The following LRIG1 variants were observed in gnomAD, a reference collection of about 807,000 sequenced individuals.
LRIG1 encodes the protein leucine-rich repeats and immunoglobulin-like domains protein 1.
Under a neutral mutation model 99.2 loss-of-function variants are expected in LRIG1, and 48 were observed. The ratio of observed to expected loss-of-function variants is 0.48; its 90% CI spans 0.38 to 0.62. The LOEUF (loss-of-function observed/expected upper bound fraction) is 0.62. Ranked by LOEUF, LRIG1 falls within the 20% of genes least tolerant of loss-of-function variation. The pLI is 0.00. For missense variants in LRIG1, 1,646 were observed against 1,434.4 expected, an observed-to-expected ratio of 1.15 and a Z score of -2.38; for synonymous variants, 772 against 596.1, an observed-to-expected ratio of 1.29 and a Z score of -4.30.
intron 12 of LRIG1, among the ~76,000 whole-genome samples, chr3:66,388,413 CAAG>C (rs1202576460): frequency 6.6e-6 from 1 of 151,522 alleles, no homozygotes; most frequent in East Asian, 1.9e-4. Flanking sequence ...CATGGGAGTC[CAAG>C]AAGGAGAAGA....
In LRIG1 at chr3:66,381,461, A is replaced by C; in HGVS notation, c.2770+18T>G. On this transcript the variant is annotated intron_variant, in intron 17 of 18. Transcript: ENST00000273261. ...CCATTTCAGAAAGAAACTACTTCCA[A>C]TGGGAAGCATCTCATACCCATCTTA... The C allele has an allele frequency of 3.7e-6, 6 of 1,601,336 alleles. No homozygotes were observed. Among genetic ancestry groups the C allele is most frequent in the Non-Finnish European group, 5.1e-6 (6 of 1,170,216 alleles).
At chr3:66,482,793 A>G (rs1700881003) in intron 1 of LRIG1, among the ~76,000 whole-genome samples, 1 of 152,356 alleles carries the variant, frequency 6.6e-6, no homozygotes, top group South Asian at 2.1e-4. Context: ...AATAAATATT[A>G]AAGCACATTT....
At chr3:66,468,474 C>T (rs192782919) in intron 1 of LRIG1, among the ~76,000 whole-genome samples, 1 of 152,314 alleles carries the variant, frequency 6.6e-6, no homozygotes, top group Non-Finnish European at 1.5e-5. Context: ...CCAGGCTAGC[C>T]TATTTCCCAT....
intron 3 of LRIG1, among the ~76,000 whole-genome samples, chr3:66,435,082 A>G (rs556963277): frequency 1.3e-5 from 2 of 152,368 alleles, no homozygotes; most frequent in African/African-American, 4.8e-5. Context: ...CGGCACATCC[A>G]TATTATGGAA....
At chr3:66,436,734 C>T (rs887432611) in intron 3 of LRIG1, among the ~76,000 whole-genome samples, 1 of 152,118 alleles carries the variant, frequency 6.6e-6, no homozygotes, top group Non-Finnish European at 1.5e-5. Context: ...CATTTAGAGA[C>T]AGGGAAGCAG....
chr3:66,462,905 C>T (rs1700388079), intron 1 of LRIG1, among the ~76,000 whole-genome samples: 1 of 152,054 alleles, frequency 6.6e-6, no homozygotes, highest in Admixed American at 6.6e-5. Flanking sequence ...CAACATCAAG[C>T]AGCAGTAAAG....
At chr3:66,459,495 TC>T (rs1476014974) in intron 2 of LRIG1, among the ~76,000 whole-genome samples, 2 of 152,210 alleles carry the variant, frequency 1.3e-5, no homozygotes, top group Non-Finnish European at 2.9e-5. Context: ...CTTGCAGTGC[TC>T]CCTGTCCTCA....
At chr3:66,383,921 G>C (rs1436289405) in intron 14 of LRIG1, 70 bp downstream of exon 14, 18 of 1,550,154 alleles carry the variant, frequency 1.2e-5, no homozygotes, top group Middle Eastern at 2.0e-4. Context: ...TGGCCACACA[G>C]AGCATTTGAG....
intron 3 of LRIG1, among the ~76,000 whole-genome samples, chr3:66,442,240 G>T (rs570920775): frequency 6.6e-6 from 1 of 152,120 alleles, no homozygotes; most frequent in Admixed American, 6.5e-5. Context: ...GGAAAGGCCC[G>T]GCATAAACAC....
intron 1 of LRIG1, among the ~76,000 whole-genome samples, chr3:66,474,521 T>C (rs1162456685): frequency 2.6e-5 from 4 of 152,112 alleles, no homozygotes; most frequent in Non-Finnish European, 5.9e-5. Context: ...AATTCTTGTA[T>C]TTTTAGTAGA....
intron 1 of LRIG1, among the ~76,000 whole-genome samples, chr3:66,467,609 C>T (rs913307468): frequency 6.6e-6 from 1 of 152,188 alleles, no homozygotes; most frequent in African/African-American, 2.4e-5. Context: ...GATGTGCCCG[C>T]CTCGGCCTCC....
At chr3:66,450,439 G>A (rs1460570737) in intron 3 of LRIG1, among the ~76,000 whole-genome samples, 2 of 152,192 alleles carry the variant, frequency 1.3e-5, no homozygotes, top group Non-Finnish European at 2.9e-5. Flanking sequence ...ACGAGGTTCA[G>A]AGAGACTAGG....
At chr3:66,385,416 A>G (rs1414992387) in intron 13 of LRIG1, among the ~76,000 whole-genome samples, 1 of 152,086 alleles carries the variant, frequency 6.6e-6, no homozygotes, top group African/African-American at 2.4e-5. Context: ...AGAACTGGAC[A>G]AAACAAGGCT....
intron 3 of LRIG1, among the ~76,000 whole-genome samples, chr3:66,422,237 GC>G (rs972714937): frequency 6.6e-6 from 1 of 152,226 alleles, no homozygotes. Context: ...AATTCCTGCA[GC>G]CAGCTTGAAT....
chr3:66,487,759 G>A (rs186787594), intron 1 of LRIG1, among the ~76,000 whole-genome samples: 49 of 152,276 alleles, frequency 3.2e-4, no homozygotes, highest in African/African-American at 7.9e-4. Flanking sequence ...AAGAAGGGTG[G>A]GAACATCATT....
At chr3:66,421,605 C>T (rs749389366) in intron 3 of LRIG1, among the ~76,000 whole-genome samples, 33 of 152,278 alleles carry the variant, frequency 2.2e-4, no homozygotes, top group South Asian at 4.1e-4. Flanking sequence ...CACAGGCTGG[C>T]GTTGAGTGTC....
At chr3:66,452,382 G>T (rs1703936039) in intron 2 of LRIG1, among the ~76,000 whole-genome samples, 1 of 152,186 alleles carries the variant, frequency 6.6e-6, no homozygotes, top group African/African-American at 2.4e-5. Context: ...CGCCTGGTCT[G>T]CCCCCAGAGG....
chr3:66,407,245 G>T lies in LRIG1; in HGVS notation c.1079+103C>A. On this transcript the variant is annotated intron_variant, in intron 8 of 18. Coordinates refer to ENST00000273261, the MANE Select transcript of LRIG1 (RefSeq NM_015541.3). ...GCAAGCCAGCTTTGGATCCAATTCT[G>T]ACTCGAAGCCAACGCAAATGGAGTT... 3 of 1,267,892 alleles carry T rather than the reference G, an allele frequency of 2.4e-6. No homozygotes were observed. The South Asian group carries it at 3.9e-5, about 17-fold the overall frequency. 78.5% of individuals were successfully genotyped at this position (1,267,892 alleles called of 1,614,324 possible).
chr3:66,439,575 T>A (rs3845894), intron 3 of LRIG1, among the ~76,000 whole-genome samples: 111,047 of 150,946 alleles, frequency 0.74, 41,131 homozygotes, highest in South Asian at 0.85. Flanking sequence ...TTTTTTTTTT[T>A]AAAAAGAGCC....
Sources: gnomAD v4.1 joint callset for allele counts (sites outside exome capture counted in the v4.1 genomes callset) on GRCh38, gnomAD v4.1.1 for gene constraint, MANE v1.5 for transcripts, NCBI Gene and HGNC (gene_info 2026-07-23, HGNC 2026-07-21) for gene names.